The following CD86 variants were observed in gnomAD, a reference collection of about 807,000 sequenced individuals.
The protein encoded by CD86 is CD86 molecule.
A neutral mutation model predicts 32.1 loss-of-function variants in CD86; 11 were observed. The observed-to-expected ratio is 0.34, with a 90% CI of 0.22 to 0.57. The LOEUF (loss-of-function observed/expected upper bound fraction) is 0.57. CD86 is among the 20% of genes least tolerant of loss of function. CD86 has a pLI of 0.86. For missense variants in CD86, 359 were observed against 398.4 expected (o/e 0.90, Z 0.84); for synonymous variants, 137 against 135.3 (o/e 1.01, Z -0.09).
At chr3:122,076,854 G>T (rs2072563120) in intron 1 of CD86, among the ~76,000 whole-genome samples, 1 of 152,210 alleles carries the variant, frequency 6.6e-6, no homozygotes, top group Non-Finnish European at 1.5e-5. Context: ...TCATAAGTGA[G>T]AAGACTGACA....
chr3:122,099,229 C>T (rs188840016), intron 2 of CD86, among the ~76,000 whole-genome samples: 1 of 151,572 alleles, frequency 6.6e-6, no homozygotes, highest in African/African-American at 2.4e-5. Flanking sequence ...GATGCCAACA[C>T]TTGCATTTGA....
At chr3:122,076,497 A>C (rs779290512) in intron 1 of CD86, among the ~76,000 whole-genome samples, 3 of 152,174 alleles carry the variant, frequency 2.0e-5, no homozygotes, top group Non-Finnish European at 2.9e-5. Flanking sequence ...CCCAGGTGGG[A>C]TCTATCTGTA....
chr3:122,075,904 C>A (rs1050751844), intron 1 of CD86, among the ~76,000 whole-genome samples: 1 of 152,162 alleles, frequency 6.6e-6, no homozygotes, highest in Non-Finnish European at 1.5e-5. Flanking sequence ...CTGTGCTAAG[C>A]ACCATATATA....
chr3:122,094,342 A>G (rs1391753755), intron 2 of CD86, among the ~76,000 whole-genome samples: 1 of 152,216 alleles, frequency 6.6e-6, no homozygotes, highest in East Asian at 1.9e-4. Context: ...AGCTCCTGAG[A>G]AAAGAGTTAC....
chr3:122,115,659 G>A (rs1198919549), intron 5 of CD86, among the ~76,000 whole-genome samples: 3 of 140,224 alleles, frequency 2.1e-5, no homozygotes, highest in South Asian at 4.7e-4. Context: ...AGAATTGCTT[G>A]AACCCGGGAG....
At chr3:122,096,301 C>T (rs549433599) in intron 2 of CD86, among the ~76,000 whole-genome samples, 110 of 152,274 alleles carry the variant, frequency 7.2e-4, no homozygotes, top group Non-Finnish European at 1.4e-3. Context: ...TGGTCTTGAA[C>T]TCCTTTTAAG....
intron 1 of CD86, among the ~76,000 whole-genome samples, chr3:122,076,586 C>A (rs1003054134): frequency 7.2e-5 from 11 of 152,180 alleles, no homozygotes; most frequent in African/African-American, 2.7e-4. Flanking sequence ...ACCCTGGACC[C>A]TGGGGGAGCC....
chr3:122,090,223 GA>G (rs955583456), intron 1 of CD86, among the ~76,000 whole-genome samples: 2 of 151,802 alleles, frequency 1.3e-5, no homozygotes, highest in Admixed American at 6.6e-5. Flanking sequence ...AGTCTAGAAG[GA>G]AAAAAAACAT....
At position 122,101,797 on chromosome 3, in the gene CD86, A is replaced by C. The variant is rs368807668; in HGVS notation, c.65-1715A>C. ...TTACATTAAGAGCTCAGCAAAGAAG[A>C]TGCAGAAGCCTCAGGTTTGCCTTGT... On this transcript the variant is annotated intron_variant, in intron 2 of 6. Transcript: ENST00000330540. Among the ~76,000 whole-genome samples the C allele has an allele frequency of 6.6e-4, 100 of 152,184 alleles. 1 individual carries two copies. In the South Asian group the frequency reaches 0.017, roughly 26 times the overall value.
chr3:122,085,100 C>G (rs2072695439), intron 1 of CD86, among the ~76,000 whole-genome samples: 1 of 152,094 alleles, frequency 6.6e-6, no homozygotes, highest in African/African-American at 2.4e-5. Flanking sequence ...ATTCCTAGCA[C>G]CAAACACAAT....
chr3:122,103,873 G>C (rs1410858066), intron 3 of CD86, 26 bp downstream of exon 3: 1 of 1,567,252 alleles, frequency 6.4e-7, no homozygotes, highest in Admixed American at 1.7e-5. Context: ...TGTGTGTTCA[G>C]ATTCTTAGCC....
At chr3:122,096,268 G>A (rs1046454640) in intron 2 of CD86, among the ~76,000 whole-genome samples, 2 of 152,026 alleles carry the variant, frequency 1.3e-5, no homozygotes, top group Non-Finnish European at 2.9e-5. Context: ...CTTTAGAGAC[G>A]GGGTCTCGCT....
chr3:122,084,397 T>C (rs1378409366), intron 1 of CD86, among the ~76,000 whole-genome samples: 1 of 152,226 alleles, frequency 6.6e-6, no homozygotes, highest in East Asian at 1.9e-4. Context: ...GCAGTCTCCA[T>C]CATAGCTGTT....
chr3:122,118,221 A>C (rs1241368286), intron 6 of CD86, 128 bp downstream of exon 6: 1 of 736,312 alleles, frequency 1.4e-6, no homozygotes, highest in African/African-American at 1.8e-5. Flanking sequence ...AGGGAGAGGA[A>C]AATAAAACTA....
At chr3:122,110,329 G>C (rs2107545519) in intron 5 of CD86, among the ~76,000 whole-genome samples, 1 of 152,234 alleles carries the variant, frequency 6.6e-6, no homozygotes, top group Middle Eastern at 3.4e-3. Context: ...GGGACAAAGT[G>C]GTCCCTAACT....
At chr3:122,078,287 G>T (rs2072582687) in intron 1 of CD86, among the ~76,000 whole-genome samples, 1 of 152,196 alleles carries the variant, frequency 6.6e-6, no homozygotes, top group Non-Finnish European at 1.5e-5. Flanking sequence ...CGTGAGCTAA[G>T]AGACAAAATA....
intron 1 of CD86, among the ~76,000 whole-genome samples, chr3:122,077,266 TCTA>T (rs1258601469): frequency 2.6e-5 from 4 of 152,134 alleles, no homozygotes; most frequent in Non-Finnish European, 5.9e-5. Flanking sequence ...TTTGGAGAAA[TCTA>T]CTGGGCATTT....
Position 122,115,824 on chromosome 3 carries a change from T to C in CD86, c.848-2224T>C, listed in dbSNP as rs890282850. On this transcript the variant is annotated intron_variant, in intron 5 of 6. Transcript: ENST00000330540. ...AATATTTACTATATATAGTAATTAA[T>C]ACAGTGTGATATTGGTAAAAGGACA... is the stretch of plus-strand genomic sequence containing the variant. Among the ~76,000 whole-genome samples, 27 of 146,736 alleles carry C rather than the reference T, an allele frequency of 1.8e-4. No homozygotes were observed. The East Asian group carries it at 1.9e-3, about 11-fold the overall frequency.
At chr3:122,092,415 C>T (rs1425182641) in intron 2 of CD86, among the ~76,000 whole-genome samples, 4 of 152,182 alleles carry the variant, frequency 2.6e-5, no homozygotes, top group South Asian at 2.1e-4. Flanking sequence ...CAACTTTTCC[C>T]TCCATGCCAT....
Sources: gnomAD v4.1 joint callset for allele counts (sites outside exome capture counted in the v4.1 genomes callset) on GRCh38, gnomAD v4.1.1 for gene constraint, MANE v1.5 for transcripts, NCBI Gene and HGNC (gene_info 2026-07-23, HGNC 2026-07-21) for gene names.